Variants in TTC6 observed in about 807,000 individuals in gnomAD.
TTC6 encodes the protein tetratricopeptide repeat domain 6.
A neutral mutation model predicts 210.4 loss-of-function variants in TTC6; 172 were observed. That is an observed-to-expected ratio of 0.82 (90% confidence interval 0.72 to 0.93). The LOEUF (loss-of-function observed/expected upper bound fraction) is 0.93, where lower values mean the gene tolerates loss of function less well. Among genes scored for constraint, TTC6 ranks in the 40% least tolerant of loss-of-function variants. The pLI is 0.00. For synonymous variants in TTC6, 804 were observed against 819.6 expected (o/e 0.98, Z 0.32); for missense variants, 2,414 against 2,318.1 (o/e 1.04, Z -0.85).
intron 1 of TTC6, among the ~76,000 whole-genome samples, chr14:37,628,830 G>A (rs1047700182): frequency 6.6e-6 from 1 of 152,200 alleles, no homozygotes; most frequent in African/African-American, 2.4e-5. Flanking sequence ...CATATGGCTA[G>A]CCAGTTTTCC....
At chr14:37,840,809 C>CT (rs1355301662) in intron 29 of TTC6, among the ~76,000 whole-genome samples, 1 of 151,438 alleles carries the variant, frequency 6.6e-6, no homozygotes, top group Admixed American at 6.6e-5. Flanking sequence ...CTATTTTATG[C>CT]TTTAACATTT....
At chr14:37,841,595 G>C in exon 30 of TTC6, 1 of 1,606,306 alleles carries the variant, frequency 6.2e-7, no homozygotes. Flanking sequence ...CTTTTGGGCT[G>C]CAGTATATTT....
chr14:37,715,899 A>T (rs1036899466), intron 6 of TTC6, among the ~76,000 whole-genome samples: 3 of 152,218 alleles, frequency 2.0e-5, no homozygotes, highest in Non-Finnish European at 4.4e-5. Flanking sequence ...GAATATGTAG[A>T]AGGAACAAAG....
chr14:37,654,370 CAAAAAATTTAAAAATAATGA>C (rs1328496922), intron 1 of TTC6, among the ~76,000 whole-genome samples: 1 of 152,006 alleles, frequency 6.6e-6, no homozygotes, highest in Non-Finnish European at 1.5e-5. Context: ...TATGTACCCA[CAAAAAATTTAAAAATAATGA>C]AAAAAAATTA....
chr14:37,688,463 G>A (rs566719612), intron 3 of TTC6, among the ~76,000 whole-genome samples: 1 of 152,154 alleles, frequency 6.6e-6, no homozygotes, highest in South Asian at 2.1e-4. Context: ...GCCAGGGAGT[G>A]GTTATAGCAG....
intron 1 of TTC6, among the ~76,000 whole-genome samples, chr14:37,656,536 TGTGTGC>T (rs944361445): frequency 2.0e-5 from 3 of 149,770 alleles, no homozygotes; most frequent in South Asian, 2.1e-4. Context: ...TGTGTGTGTG[TGTGTGC>T]GTGTGTGTGT....
At chr14:37,756,728 GT>G (rs1404788871) in intron 14 of TTC6, among the ~76,000 whole-genome samples, 1 of 152,162 alleles carries the variant, frequency 6.6e-6, no homozygotes, top group Non-Finnish European at 1.5e-5. Context: ...GCTTTCTGAT[GT>G]GCTGTTGGAT....
exon 3 of TTC6, chr14:37,682,759 G>A (rs1566885058): frequency 6.5e-7 from 1 of 1,535,130 alleles, no homozygotes; most frequent in Non-Finnish European, 8.7e-7. Flanking sequence ...TTCCAACAGA[G>A]CGTGCATAAG....
upstream of TTC6, among the ~76,000 whole-genome samples, chr14:37,621,560 G>C (rs185049906): frequency 1.1e-4 from 17 of 152,202 alleles, no homozygotes. Flanking sequence ...ACTAAGCCAT[G>C]ATCATGCCAC....
chr14:37,771,343 G>T (rs915261672), intron 14 of TTC6, among the ~76,000 whole-genome samples: 1 of 151,606 alleles, frequency 6.6e-6, no homozygotes, highest in African/African-American at 2.4e-5. Context: ...GAATCTGAAC[G>T]TTGGCCTACC....
intron 14 of TTC6, among the ~76,000 whole-genome samples, chr14:37,767,376 C>A (rs1221732896): frequency 1.3e-5 from 2 of 152,216 alleles, no homozygotes; most frequent in Non-Finnish European, 2.9e-5. Context: ...AATCGCCACA[C>A]TGACTTCCAC....
intron 15 of TTC6, among the ~76,000 whole-genome samples, chr14:37,789,617 T>TATA (rs57307221): frequency 1.4e-5 from 2 of 145,454 alleles, no homozygotes; most frequent in African/African-American, 5.0e-5. Flanking sequence ...TATATATATA[T>TATA]TGTATATACT....
At chr14:37,782,574 C>G (rs12890883) in intron 14 of TTC6, among the ~76,000 whole-genome samples, 1,690 of 146,494 alleles carry the variant, frequency 0.012, 27 homozygotes, top group Non-Finnish European at 0.018. Flanking sequence ...CATCTGCAAA[C>G]AGGGACAATT....
intron 14 of TTC6, among the ~76,000 whole-genome samples, chr14:37,773,173 G>A (rs1381311489): frequency 6.6e-6 from 1 of 152,052 alleles, no homozygotes; most frequent in Non-Finnish European, 1.5e-5. Context: ...TTAGACCTTT[G>A]TCAGATACAC....
chr14:37,761,604 C>T (rs117875372), intron 14 of TTC6, among the ~76,000 whole-genome samples: 1,684 of 151,964 alleles, frequency 0.011, 24 homozygotes, highest in Middle Eastern at 0.051. Flanking sequence ...CCCCCTCATG[C>T]CTTTGTCTTT....
At chr14:37,701,957 A>G (rs940172824) in intron 5 of TTC6, among the ~76,000 whole-genome samples, 1 of 152,086 alleles carries the variant, frequency 6.6e-6, no homozygotes, top group Non-Finnish European at 1.5e-5. Flanking sequence ...TCACATACAA[A>G]AGTCATTGCT....
At chr14:37,705,053 C>T (rs1244132459) in intron 5 of TTC6, among the ~76,000 whole-genome samples, 2 of 152,162 alleles carry the variant, frequency 1.3e-5, no homozygotes, top group African/African-American at 2.4e-5. Flanking sequence ...TTCCTTGATT[C>T]ACAATCAATA....
chr14:37,798,942 C>T (rs2096099228), intron 20 of TTC6, among the ~76,000 whole-genome samples: 1 of 152,088 alleles, frequency 6.6e-6, no homozygotes, highest in African/African-American at 2.4e-5. Flanking sequence ...CCAACTTGAT[C>T]AGAATATATA....
exon 1 of TTC6, chr14:37,622,863 C>T: frequency 6.5e-7 from 1 of 1,534,776 alleles, no homozygotes; most frequent in African/African-American, 1.4e-5. Flanking sequence ...CTGGCAGGCG[C>T]TGCTGCCCTC....
Sources: gnomAD v4.1 joint callset for allele counts (sites outside exome capture counted in the v4.1 genomes callset) on GRCh38, gnomAD v4.1.1 for gene constraint, MANE v1.5 for transcripts, NCBI Gene and HGNC (gene_info 2026-07-23, HGNC 2026-07-21) for gene names.